The following OR2T6 variants were observed in gnomAD, a reference collection of about 807,000 sequenced individuals.
The protein encoded by OR2T6 is olfactory receptor 2T6.
For missense variants in OR2T6, 424 were observed against 391.6 expected, an observed-to-expected ratio of 1.08 and a Z score of -0.70; for synonymous variants, 174 against 148.0, an observed-to-expected ratio of 1.18 and a Z score of -1.27.
Position 248,388,471 on chromosome 1 carries a change from T to A in OR2T6, c.863T>A (p.Leu288His), listed in dbSNP as rs1451680920. ...ATCCTCACACCCTTATTAAACCCTC[T>A]CATCTACAGTCTGAGGAACAGGGAT... ...YTILTPLLNP[L>H]IYSLRNRDVM... The change falls in exon 3 of 3, where the codon CTC (leucine) becomes CAC (histidine). Residue 288 changes from leucine (L) to histidine (H), a missense_variant. Physicochemically the swap from Leu to His is moderately conservative, Grantham distance 99 (BLOSUM62 -3). Transcript: ENST00000641644. The A allele has an allele frequency of 6.2e-7, 1 of 1,606,466 alleles. No homozygotes were observed. Among genetic ancestry groups the A allele is most frequent in the Admixed American group, 1.7e-5 (1 of 59,426 alleles).
chr1:248,384,863 C>T lies in OR2T6; in HGVS notation c.-6C>T, dbSNP rs1001708229. 3.9e-5 allele frequency: 6 copies of T among 152,134 alleles called. No individual in the cohort carries two copies. The highest frequency in any genetic ancestry group is 7.2e-5 in the African/African-American group (3 of 41,420). 9.4% of individuals were successfully genotyped at this position (152,134 alleles called of 1,614,324 possible). ...CTGATCCACTCAGCCTCTTCTAAAC[C>T]GGTAAGCAAAACTGTGCAGTTATGT... On this transcript the variant is annotated splice_region_variant and 5_prime_UTR_variant, in exon 2 of 3. Coordinates refer to ENST00000641644, the MANE Select transcript of OR2T6 (RefSeq NM_001005471.2).
chr1:248,385,582 A>G (rs1188898854), intron 2 of OR2T6, among the ~76,000 whole-genome samples: 1 of 152,226 alleles, frequency 6.6e-6, no homozygotes, highest in African/African-American at 2.4e-5. Context: ...CATGATCAGG[A>G]AGAATGTTCT....
At chr1:248,383,610 C>T (rs113743628) in intron 1 of OR2T6, among the ~76,000 whole-genome samples, 129 of 123,694 alleles carry the variant, frequency 1.0e-3, no homozygotes, top group Non-Finnish European at 1.2e-3. Context: ...AAGCACTGCA[C>T]TAGCCTGAGT....
At chr1:248,382,116 A>C (rs1015861100) in intron 1 of OR2T6, among the ~76,000 whole-genome samples, 4 of 139,426 alleles carry the variant, frequency 2.9e-5, no homozygotes, top group Non-Finnish European at 4.7e-5. Context: ...GAAAGGGTCA[A>C]ACCCAAGGAA....
intron 1 of OR2T6, among the ~76,000 whole-genome samples, chr1:248,379,287 G>A (rs1399531546): frequency 6.6e-6 from 1 of 152,156 alleles, no homozygotes; most frequent in Non-Finnish European, 1.5e-5. Context: ...AAAACCATAG[G>A]GGATTCCTGC....
intron 1 of OR2T6, among the ~76,000 whole-genome samples, chr1:248,383,605 C>T: frequency 7.6e-6 from 1 of 130,972 alleles, no homozygotes; most frequent in East Asian, 2.5e-4. Flanking sequence ...GGGTAAAGCA[C>T]TGCACTAGCC....
In OR2T6 at chr1:248,384,586, C is replaced by G. The variant is rs945904789; in HGVS notation, c.-158-125C>G. 3 of 91,866 alleles carry G rather than the reference C, an allele frequency of 3.3e-5. No individual in the cohort carries two copies. The Admixed American group carries it at 3.6e-4, about 11-fold the overall frequency. The allele number at this position is 91,866 out of a possible 1,614,324, so 5.7% of individuals were successfully genotyped here. On this transcript the variant is annotated intron_variant, in intron 1 of 2. Coordinates refer to ENST00000641644, the MANE Select transcript of OR2T6 (RefSeq NM_001005471.2). ...ACTAGCCTGAGTGTGCTCATCCTAT[C>G]CTGAAGTGTTTCCTAGTGTTATCAT...
chr1:248,378,134 C>T (rs1558303978), intron 1 of OR2T6, among the ~76,000 whole-genome samples: 1 of 152,098 alleles, frequency 6.6e-6, no homozygotes, highest in Non-Finnish European at 1.5e-5. Flanking sequence ...CTATTTATTT[C>T]CTCAGAATAA....
In OR2T6 at chr1:248,388,375, TGTATAC is replaced by T; in HGVS notation, c.775_780del (p.Tyr259_Thr260del). ...GTGACATTGTTCTATGGGGCTGCCT[TGTATAC>T]GTATACGCTTCCCCAATCTTACCAC... On this transcript the variant is annotated inframe_deletion, in exon 3 of 3. Transcript: ENST00000641644. 2 of 1,613,584 alleles carry T rather than the reference TGTATAC, an allele frequency of 1.2e-6. No homozygotes were observed. Among genetic ancestry groups the T allele is most frequent in the Non-Finnish European group, 1.7e-6 (2 of 1,179,708 alleles).
chr1:248,388,342 T>C lies in OR2T6; in HGVS notation c.734T>C (p.Met245Thr), dbSNP rs557204653. ...GCCTTTGCCACCTGCTCTTCACACATGATGGTGGTGACATTGTTCTATGGG... is the reference window on the plus strand; with the variant it reads ...GCCTTTGCCACCTGCTCTTCACACACGATGGTGGTGACATTGTTCTATGGG... ...KKAFATCSSH[M>T]MVVTLFYGAA... Residue 245 changes from methionine to threonine, a missense_variant, in exon 3 of 3, where the codon ATG (methionine) becomes ACG (threonine). Physicochemically the swap from Met to Thr is moderately conservative, Grantham distance 81 (BLOSUM62 -1). Coordinates refer to ENST00000641644, the MANE Select transcript of OR2T6 (RefSeq NM_001005471.2). The C allele has an allele frequency of 1.2e-6, 2 of 1,613,564 alleles. No individual in the cohort carries two copies. The highest frequency in any genetic ancestry group is 2.2e-5 in the East Asian group (1 of 44,844).
At chr1:248,377,879 A>G (rs1364980086) in intron 1 of OR2T6, among the ~76,000 whole-genome samples, 2 of 152,154 alleles carry the variant, frequency 1.3e-5, no homozygotes, top group Admixed American at 6.6e-5. Context: ...CGTGATTATA[A>G]TTTATCTATG....
At position 248,389,505 on chromosome 1, in the gene OR2T6, A is replaced by G. The variant is rs1459496856; in HGVS notation, c.*970A>G. ...AAATTAGAACTGGAAACCCTTGTAA[A>G]TGACTTAGTGTCATGAGCGGTGCAA... On this transcript the variant is annotated 3_prime_UTR_variant, in exon 3 of 3. Coordinates refer to ENST00000641644, the MANE Select transcript of OR2T6 (RefSeq NM_001005471.2). 1.3e-5 allele frequency: 2 copies of G among 152,222 alleles called. No homozygotes were observed. The highest frequency in any genetic ancestry group is 2.4e-5 in the African/African-American group (1 of 41,460). The allele number at this position is 152,222 out of a possible 1,614,324, so 9.4% of individuals were successfully genotyped here.
At chr1:248,387,290 G>A (rs1380394568) in intron 2 of OR2T6, among the ~76,000 whole-genome samples, 1 of 152,128 alleles carries the variant, frequency 6.6e-6, no homozygotes, top group Non-Finnish European at 1.5e-5. Flanking sequence ...AGTAAATGGA[G>A]CCAACTCCAA....
chr1:248,386,304 T>C (rs1291036542), intron 2 of OR2T6, among the ~76,000 whole-genome samples: 1 of 152,212 alleles, frequency 6.6e-6, no homozygotes, highest in African/African-American at 2.4e-5. Flanking sequence ...AGATTGTGTA[T>C]GGTTTCCTGC....
chr1:248,381,299 AT>A (rs60682979), intron 1 of OR2T6, among the ~76,000 whole-genome samples: 13,461 of 150,008 alleles, frequency 0.09, 1,840 homozygotes, highest in African/African-American at 0.3. Flanking sequence ...AAAAAAATGT[AT>A]TTTTTTTTCT....
At chr1:248,385,381 G>T (rs1661120751) in intron 2 of OR2T6, among the ~76,000 whole-genome samples, 1 of 152,190 alleles carries the variant, frequency 6.6e-6, no homozygotes, top group Non-Finnish European at 1.5e-5. Context: ...AGAATATGTA[G>T]ACACTTGCAA....
At position 248,388,804 on chromosome 1, in the gene OR2T6, A is replaced by G; in HGVS notation, c.*269A>G. On this transcript the variant is annotated 3_prime_UTR_variant, in exon 3 of 3. Coordinates refer to ENST00000641644, the MANE Select transcript of OR2T6 (RefSeq NM_001005471.2). ...CTGATTCCAAGTCTTCTCTCATATC[A>G]CTTCTCTGATTGCAGTTTGTGTATA... The G allele has an allele frequency of 4.9e-6, 2 of 404,308 alleles. No individual in the cohort carries two copies. Among genetic ancestry groups the G allele is most frequent in the South Asian group, 1.1e-4 (1 of 9,418 alleles). 25.0% of individuals were successfully genotyped at this position (404,308 alleles called of 1,614,324 possible).
Position 248,389,879 on chromosome 1 carries a change from G to A in OR2T6, c.*1344G>A, listed in dbSNP as rs144208912. On this transcript the variant is annotated 3_prime_UTR_variant, in exon 3 of 3. Coordinates refer to ENST00000641644, the MANE Select transcript of OR2T6 (RefSeq NM_001005471.2). ...CAAGGGGAGAGAAGAAGAGAAAAGCGGTCCTGGTCCAGGCCGGGTGGTCCA... is the reference window on the plus strand; with the variant it reads ...CAAGGGGAGAGAAGAAGAGAAAAGCAGTCCTGGTCCAGGCCGGGTGGTCCA... 14 of 152,284 alleles carry A rather than the reference G, an allele frequency of 9.2e-5. No individual in the cohort carries two copies. The highest frequency in any genetic ancestry group is 1.6e-4 in the Non-Finnish European group (11 of 68,038). The allele number at this position is 152,284 out of a possible 1,614,324, so 9.4% of individuals were successfully genotyped here.
In OR2T6 at chr1:248,390,388, C is replaced by A. The variant is rs955692095; in HGVS notation, c.*1853C>A. On this transcript the variant is annotated 3_prime_UTR_variant, in exon 3 of 3. Transcript: ENST00000641644. ...AGGCTTTGTACTGTCATTGGTTTAA[C>A]AAAATCCAAGCCGGGTTCAGTGACG... The A allele has an allele frequency of 3.9e-5, 6 of 152,138 alleles. No homozygotes were observed. Among genetic ancestry groups the A allele is most frequent in the Non-Finnish European group, 7.3e-5 (5 of 68,036 alleles). The allele number at this position is 152,138 out of a possible 1,614,324, so 9.4% of individuals were successfully genotyped here.
Sources: gnomAD v4.1 joint callset for allele counts (sites outside exome capture counted in the v4.1 genomes callset) on GRCh38, gnomAD v4.1.1 for gene constraint, MANE v1.5 for transcripts, NCBI Gene and HGNC (gene_info 2026-07-23, HGNC 2026-07-21) for gene names.